MYO6: variants seen among roughly 807,000 people sequenced by gnomAD.
The protein encoded by MYO6 is myosin VI, also known as unconventional myosin-VI.
In MYO6, 74 loss-of-function variants were observed where a neutral mutation model predicts 178.7. The observed-to-expected ratio is 0.41, with a 90% CI of 0.34 to 0.50. The LOEUF (loss-of-function observed/expected upper bound fraction) is 0.50. MYO6 is among the 20% of genes least tolerant of loss of function. The pLI, the probability that MYO6 is intolerant of heterozygous loss-of-function variation, is 0.09. For missense variants in MYO6, 1,330 were observed against 1,547.4 expected (o/e 0.86, Z 2.36); for synonymous variants, 477 against 504.6 (o/e 0.95, Z 0.73).
chr6:75,799,338 C>T (rs146022683), intron 1 of MYO6, among the ~76,000 whole-genome samples: 47 of 150,520 alleles, frequency 3.1e-4, no homozygotes, highest in African/African-American at 1.0e-3. Flanking sequence ...TGCAGTGATT[C>T]GCGATCTTGC....
At chr6:75,812,213 G>A (rs1327874130) in intron 1 of MYO6, among the ~76,000 whole-genome samples, 4 of 152,102 alleles carry the variant, frequency 2.6e-5, no homozygotes, top group Non-Finnish European at 4.4e-5. Flanking sequence ...TTTTGTAGAG[G>A]TGGAGTCTTG....
chr6:75,885,967 A>G (rs757132941), intron 23 of MYO6, 37 bp from the exon 24 acceptor site: 41 of 1,268,620 alleles, frequency 3.2e-5, no homozygotes, highest in Middle Eastern at 2.5e-4. Context: ...TTTAAACTGA[A>G]TAATTTTCTA....
intron 28 of MYO6, among the ~76,000 whole-genome samples, chr6:75,893,084 G>T (rs12154202): frequency 0.13 from 19,769 of 152,040 alleles, 1,366 homozygotes; most frequent in Non-Finnish European, 0.15. Flanking sequence ...TTGTAGTTGA[G>T]ATTTTTCTAA....
At position 75,891,127 on chromosome 6, in the gene MYO6, A is replaced by G; in HGVS notation, c.2868-101A>G. 3 of 756,600 alleles carry G rather than the reference A, an allele frequency of 4.0e-6. No individual in the cohort carries two copies. The South Asian group carries it at 4.9e-5, about 12-fold the overall frequency. The allele number at this position is 756,600 out of a possible 1,614,324, so 46.9% of individuals were successfully genotyped here. On this transcript the variant is annotated intron_variant, in intron 26 of 34. Transcript: ENST00000369977. ...GGCCAGGAGGTTAATTTGCATTCCC[A>G]ATCTGTTACCTTTGTTTATTATTAA...
rs778724535 is a variant in MYO6, at chr6:75,916,812, A to C, written c.*1800A>C. The C allele has an allele frequency of 2.6e-5, 4 of 152,202 alleles. No homozygotes were observed. Among genetic ancestry groups the C allele is most frequent in the Non-Finnish European group, 5.9e-5 (4 of 68,030 alleles). 9.4% of individuals were successfully genotyped at this position (152,202 alleles called of 1,614,324 possible). ...TAGATGGAAAATTAAAGAGTTAAAC[A>C]TATTTAAATGAGAGAATCTAATGTT... is the stretch of plus-strand genomic sequence containing the variant. On this transcript the variant is annotated 3_prime_UTR_variant, in exon 35 of 35. Transcript: ENST00000369977.
intron 12 of MYO6, among the ~76,000 whole-genome samples, chr6:75,855,758 T>C (rs1270180292): frequency 6.6e-6 from 1 of 152,112 alleles, no homozygotes; most frequent in Non-Finnish European, 1.5e-5. Flanking sequence ...ACCAAGAACT[T>C]CTAGATTGTA....
intron 18 of MYO6, among the ~76,000 whole-genome samples, chr6:75,870,194 A>G (rs1198581387): frequency 6.6e-6 from 1 of 152,162 alleles, no homozygotes; most frequent in African/African-American, 2.4e-5. Flanking sequence ...GTTCCATAAA[A>G]CAATCCTAAT....
chr6:75,914,277 G>T lies in MYO6; in HGVS notation c.3654G>T (p.Val1218=). 1 of 1,614,080 alleles carries T rather than the reference G, an allele frequency of 6.2e-7. No homozygotes were observed. Among genetic ancestry groups the T allele is most frequent in the Non-Finnish European group, 8.5e-7 (1 of 1,179,992 alleles). The change falls in exon 34 of 35, where the codon GTG becomes GTT. Residue 1218 remains valine (V), a synonymous_variant. Transcript: ENST00000369977. ...CTGACAAGCCACCCATCCTACTTGT[G>T]GCTGGTGTGTATGATTCACATGGAA... ...LHPDKPPILL[V]AGKDDMEMCE...
At chr6:75,851,947 A>G (rs1775307328) in intron 11 of MYO6, among the ~76,000 whole-genome samples, 2 of 152,226 alleles carry the variant, frequency 1.3e-5, no homozygotes, top group Non-Finnish European at 2.9e-5. Context: ...GAAAATGCAG[A>G]AAACTGCATT....
At chr6:75,820,167 G>C (rs1389986301) in intron 2 of MYO6, among the ~76,000 whole-genome samples, 1 of 152,234 alleles carries the variant, frequency 6.6e-6, no homozygotes, top group African/African-American at 2.4e-5. Flanking sequence ...AGAAGGGTCT[G>C]CATTTTCTTT....
intron 19 of MYO6, among the ~76,000 whole-genome samples, chr6:75,871,447 G>A (rs902191300): frequency 5.9e-5 from 9 of 152,016 alleles, no homozygotes; most frequent in Admixed American, 3.9e-4. Flanking sequence ...ATGAGGTTTC[G>A]CCATGTTTCC....
intron 15 of MYO6, among the ~76,000 whole-genome samples, chr6:75,861,921 T>G (rs1334665359): frequency 6.6e-6 from 1 of 152,146 alleles, no homozygotes; most frequent in Non-Finnish European, 1.5e-5. Context: ...CAGCCCACTT[T>G]CACCTCATGC....
chr6:75,891,157 T>C lies in MYO6; in HGVS notation c.2868-71T>C. On this transcript the variant is annotated intron_variant, in intron 26 of 34. Coordinates refer to ENST00000369977, the MANE Select transcript of MYO6 (RefSeq NM_004999.4). ...GTTACCTTTGTTTATTATTAAATAA[T>C]AGTTAAATTGCCTTCTGAAGGATTC... The C allele has an allele frequency of 1.0e-5, 10 of 993,180 alleles. No homozygotes were observed. The South Asian group carries it at 1.4e-4, about 14-fold the overall frequency. The allele number at this position is 993,180 out of a possible 1,614,324, so 61.5% of individuals were successfully genotyped here.
intron 1 of MYO6, among the ~76,000 whole-genome samples, chr6:75,771,072 A>C (rs1376088325): frequency 2.0e-5 from 3 of 150,482 alleles, no homozygotes; most frequent in African/African-American, 7.4e-5. Context: ...ATGCAAACAC[A>C]GTTCATTGCA....
In MYO6 at chr6:75,915,065, G is replaced by T; in HGVS notation, c.*53G>T. 1 of 1,512,326 alleles carries T rather than the reference G, an allele frequency of 6.6e-7. No individual in the cohort carries two copies. Among genetic ancestry groups the T allele is most frequent in the South Asian group, 1.2e-5 (1 of 85,214 alleles). 93.7% of individuals were successfully genotyped at this position (1,512,326 alleles called of 1,614,324 possible). On this transcript the variant is annotated 3_prime_UTR_variant, in exon 35 of 35. Transcript: ENST00000369977. ...AGCCTTTGCCATGGTACTTAGGTAG[G>T]GTGTGTGCCCCCAGATTTAACCATT...
chr6:75,822,712 A>G, intron 2 of MYO6, 70 bp from the exon 3 acceptor site: 1 of 1,198,958 alleles, frequency 8.3e-7, no homozygotes, highest in African/African-American at 1.5e-5. Flanking sequence ...GTATGCAACC[A>G]ATTAAGCCCT....
chr6:75,845,028 C>A, intron 10 of MYO6, 51 bp downstream of exon 10: 1 of 1,401,874 alleles, frequency 7.1e-7, no homozygotes, highest in Non-Finnish European at 1.0e-6. Flanking sequence ...AAAACTCATG[C>A]TGAAAGATGT....
chr6:75,833,079 T>G, intron 6 of MYO6, 132 bp downstream of exon 6: 1 of 690,300 alleles, frequency 1.4e-6, no homozygotes, highest in Admixed American at 2.1e-5. Context: ...CTTGACCTCC[T>G]GGGCTCAAGC....
chr6:75,851,330 A>G (rs993576494), intron 11 of MYO6, among the ~76,000 whole-genome samples: 4 of 152,262 alleles, frequency 2.6e-5, no homozygotes, highest in African/African-American at 9.6e-5. Flanking sequence ...GGAAAGAGAC[A>G]GGGAATCAAT....
Sources: allele counts gnomAD v4.1 joint callset (sites outside exome capture counted in the v4.1 genomes callset), GRCh38; gene constraint gnomAD v4.1.1; transcripts MANE v1.5; gene names NCBI Gene and HGNC (gene_info 2026-07-23, HGNC 2026-07-21).